The following NEGR1 variants were observed in gnomAD, a reference collection of about 807,000 sequenced individuals.
NEGR1 encodes IgLON family member 4.
A neutral mutation model predicts 40.9 loss-of-function variants in NEGR1; 10 were observed. That is an observed-to-expected ratio of 0.24 (90% CI 0.15 to 0.42). The LOEUF is 0.42. Ranked by LOEUF, NEGR1 falls within the 10% of genes least tolerant of loss-of-function variation. The pLI is 1.00. For missense variants in NEGR1, 352 were observed against 438.9 expected (o/e 0.80, Z 1.77); for synonymous variants, 185 against 166.8 (o/e 1.11, Z -0.84).
rs139259340 is a variant in NEGR1 at position 71,918,481 on chromosome 1, A to C, written c.409+16598T>G. Among the ~76,000 whole-genome samples, 299 of 152,120 alleles carry C rather than the reference A, an allele frequency of 2.0e-3. 2 individuals carry two copies. Among genetic ancestry groups the C allele is most frequent in the East Asian group, 0.019 (97 of 5,154 alleles). ...GGTTTCTGCTTTCAAATAATTGTTC[A>C]AATGGTCTGCAAGGTATCTTCATTA... is the stretch of plus-strand genomic sequence containing the variant. On this transcript the variant is annotated intron_variant, in intron 2 of 6. Coordinates refer to ENST00000357731, the MANE Select transcript of NEGR1 (RefSeq NM_173808.3).
chr1:72,232,210 A>C (rs2100499670), intron 1 of NEGR1, among the ~76,000 whole-genome samples: 1 of 152,118 alleles, frequency 6.6e-6, no homozygotes, highest in African/African-American at 2.4e-5. Context: ...AAAAAAAATT[A>C]TCTGGGCGTG....
At chr1:71,848,194 C>G (rs540604076) in intron 2 of NEGR1, among the ~76,000 whole-genome samples, 1 of 152,236 alleles carries the variant, frequency 6.6e-6, no homozygotes, top group African/African-American at 2.4e-5. Flanking sequence ...GAAGCTGTTT[C>G]CATAACATAA....
chr1:71,766,548 C>T (rs1175248818), intron 3 of NEGR1, among the ~76,000 whole-genome samples: 1 of 152,228 alleles, frequency 6.6e-6, no homozygotes, highest in African/African-American at 2.4e-5. Context: ...AAAGGATGAA[C>T]ATGTCTGGAT....
chr1:72,241,729 C>CT (rs546777630), intron 1 of NEGR1, among the ~76,000 whole-genome samples: 66 of 148,224 alleles, frequency 4.5e-4, no homozygotes, highest in Admixed American at 8.8e-4. Flanking sequence ...CCTTCAACTT[C>CT]TTTTTTTTTT....
intron 1 of NEGR1, among the ~76,000 whole-genome samples, chr1:72,142,737 A>C (rs1483496876): frequency 6.6e-6 from 1 of 151,762 alleles, no homozygotes; most frequent in Admixed American, 6.6e-5. Flanking sequence ...ACTGAGGCAG[A>C]ATTTAGTTTT....
At chr1:71,875,444 T>C (rs1031459789) in intron 2 of NEGR1, among the ~76,000 whole-genome samples, 1 of 152,190 alleles carries the variant, frequency 6.6e-6, no homozygotes, top group Non-Finnish European at 1.5e-5. Context: ...TCTTTGGAAT[T>C]TAGCCGATTC....
At chr1:71,920,018 T>C (rs1395192747) in intron 2 of NEGR1, among the ~76,000 whole-genome samples, 1 of 152,148 alleles carries the variant, frequency 6.6e-6, no homozygotes, top group Non-Finnish European at 1.5e-5. Context: ...CCTCTCAGTA[T>C]TGAATGGCTC....
At chr1:72,177,602 T>A (rs1386747951) in intron 1 of NEGR1, among the ~76,000 whole-genome samples, 1 of 152,192 alleles carries the variant, frequency 6.6e-6, no homozygotes, top group African/African-American at 2.4e-5. Flanking sequence ...TCATACTGCC[T>A]ATTTTTTAAT....
chr1:71,971,193 C>T (rs1646253295), intron 1 of NEGR1, among the ~76,000 whole-genome samples: 1 of 152,200 alleles, frequency 6.6e-6, no homozygotes, highest in South Asian at 2.1e-4. Flanking sequence ...TGGTATTTTT[C>T]CCAGAGGTGT....
At chr1:71,779,020 C>T (rs887940997) in intron 2 of NEGR1, among the ~76,000 whole-genome samples, 28 of 152,110 alleles carry the variant, frequency 1.8e-4, no homozygotes, top group African/African-American at 6.7e-4. Flanking sequence ...CAATTGCCTT[C>T]CAGGGCCTCA....
chr1:72,075,170 A>T (rs1647667483), intron 1 of NEGR1, among the ~76,000 whole-genome samples: 1 of 152,172 alleles, frequency 6.6e-6, no homozygotes, highest in African/African-American at 2.4e-5. Flanking sequence ...ACATAGATAT[A>T]GAGAAGCTTA....
At chr1:71,629,819 T>C (rs890095915) in intron 4 of NEGR1, among the ~76,000 whole-genome samples, 4 of 151,910 alleles carry the variant, frequency 2.6e-5, no homozygotes, top group African/African-American at 4.8e-5. Flanking sequence ...AAAAACTCAA[T>C]AGAGTTAAAT....
Position 71,404,497 on chromosome 1 carries a change from CCTAATACT to C in NEGR1, c.*2941_*2948del, listed in dbSNP as rs1200581795. The C allele has an allele frequency of 6.6e-6, 1 of 151,524 alleles. No individual in the cohort carries two copies. Among genetic ancestry groups the C allele is most frequent in the Non-Finnish European group, 1.5e-5 (1 of 67,552 alleles). The allele number at this position is 151,524 out of a possible 1,614,324, so 9.4% of individuals were successfully genotyped here. ...GAATGCAAATGTGTAAGTTAACTACCCTAATACTCTGATTCTTCCTTCCCTCTCATCCT... is the reference window on the plus strand; with the variant it reads ...GAATGCAAATGTGTAAGTTAACTACCCTGATTCTTCCTTCCCTCTCATCCT... On this transcript the variant is annotated 3_prime_UTR_variant, in exon 7 of 7. Coordinates refer to ENST00000357731, the MANE Select transcript of NEGR1 (RefSeq NM_173808.3).
At chr1:71,440,895 A>G (rs1646542504) in intron 6 of NEGR1, among the ~76,000 whole-genome samples, 1 of 152,252 alleles carries the variant, frequency 6.6e-6, no homozygotes, top group African/African-American at 2.4e-5. Flanking sequence ...TGAGTATTTT[A>G]GAAAGATTTT....
At chr1:72,251,849 T>C (rs1157745572) in intron 1 of NEGR1, among the ~76,000 whole-genome samples, 1 of 152,182 alleles carries the variant, frequency 6.6e-6, no homozygotes, top group East Asian at 1.9e-4. Flanking sequence ...AGGCAATTTT[T>C]ATTTGTTCTA....
chr1:72,080,542 A>C (rs1647951628), intron 1 of NEGR1, among the ~76,000 whole-genome samples: 1 of 152,136 alleles, frequency 6.6e-6, no homozygotes, highest in Non-Finnish European at 1.5e-5. Flanking sequence ...AAATTTTCTA[A>C]AAGTATAGTG....
At chr1:72,159,973 T>A (rs1421375452) in intron 1 of NEGR1, among the ~76,000 whole-genome samples, 1 of 152,056 alleles carries the variant, frequency 6.6e-6, no homozygotes, top group Non-Finnish European at 1.5e-5. Flanking sequence ...CAAAGTTAAA[T>A]TAAATAGATT....
At chr1:71,520,470 G>A (rs1346613179) in intron 6 of NEGR1, among the ~76,000 whole-genome samples, 2 of 152,046 alleles carry the variant, frequency 1.3e-5, no homozygotes, top group African/African-American at 4.8e-5. Context: ...AGGCTTAAGT[G>A]AGGGAGTCAA....
intron 1 of NEGR1, among the ~76,000 whole-genome samples, chr1:71,947,546 A>C (rs551050283): frequency 6.6e-6 from 1 of 152,334 alleles, no homozygotes; most frequent in East Asian, 1.9e-4. Flanking sequence ...ATAGAAAGCA[A>C]GTTGTAAACC....
Sources: allele counts gnomAD v4.1 joint callset (sites outside exome capture counted in the v4.1 genomes callset), GRCh38; gene constraint gnomAD v4.1.1; transcripts MANE v1.5; gene names NCBI Gene and HGNC (gene_info 2026-07-23, HGNC 2026-07-21).